Variants in RGS17 observed in about 807,000 individuals in gnomAD.
RGS17 encodes regulator of G protein signaling 17, also known as regulator of G-protein signaling 17.
A neutral mutation model predicts 25.5 loss-of-function variants in RGS17; 12 were observed. The ratio of observed to expected loss-of-function variants is 0.47; its 90% CI spans 0.30 to 0.76. The LOEUF (loss-of-function observed/expected upper bound fraction) is 0.76. Among genes scored for constraint, RGS17 ranks in the 30% least tolerant of loss-of-function variants. The pLI, the probability that RGS17 is intolerant of heterozygous loss-of-function variation, is 0.07. For synonymous variants in RGS17, 71 were observed against 76.9 expected (o/e 0.92, Z 0.40); for missense variants, 196 against 242.2 (o/e 0.81, Z 1.27).
intron 1 of RGS17, among the ~76,000 whole-genome samples, chr6:153,098,931 G>A (rs567445307): frequency 1.3e-5 from 2 of 152,242 alleles, no homozygotes; most frequent in South Asian, 4.2e-4. Context: ...AAAAATACTA[G>A]AGCAGCAGAT....
At chr6:153,021,305 T>G (rs891131843) in intron 4 of RGS17, among the ~76,000 whole-genome samples, 2 of 152,176 alleles carry the variant, frequency 1.3e-5, no homozygotes, top group Non-Finnish European at 2.9e-5. Flanking sequence ...TCTCCAATGT[T>G]AGAAAACAAA....
intron 1 of RGS17, among the ~76,000 whole-genome samples, chr6:153,047,651 G>C (rs1335332474): frequency 6.6e-6 from 1 of 152,198 alleles, no homozygotes; most frequent in African/African-American, 2.4e-5. Context: ...GAACTGGATT[G>C]CTTTTCCCCA....
chr6:153,013,879 A>C (rs1280528712), intron 4 of RGS17, among the ~76,000 whole-genome samples: 3 of 152,246 alleles, frequency 2.0e-5, no homozygotes, highest in Admixed American at 2.0e-4. Flanking sequence ...CATGAGGTGT[A>C]GGGAAAGAAG....
chr6:153,115,446 C>T (rs1013506428), intron 1 of RGS17, among the ~76,000 whole-genome samples: 1 of 152,170 alleles, frequency 6.6e-6, no homozygotes, highest in Non-Finnish European at 1.5e-5. Flanking sequence ...AATGGTAAAA[C>T]ATTCCATGAT....
At chr6:153,035,458 A>G (rs995607837) in intron 2 of RGS17, among the ~76,000 whole-genome samples, 2 of 152,234 alleles carry the variant, frequency 1.3e-5, no homozygotes, top group Non-Finnish European at 2.9e-5. Flanking sequence ...TAATAGGTCT[A>G]CCACACCTAG....
At chr6:153,072,162 G>A (rs1776813342) in intron 1 of RGS17, among the ~76,000 whole-genome samples, 1 of 152,106 alleles carries the variant, frequency 6.6e-6, no homozygotes, top group African/African-American at 2.4e-5. Flanking sequence ...TATTTGTCAT[G>A]AAGAAGCAGA....
chr6:153,078,801 TTAAG>T lies in RGS17; in HGVS notation c.-25-34762_-25-34759del, dbSNP rs1040021757. 8.6e-5 allele frequency among the ~76,000 whole-genome samples: 13 copies of T among 152,028 alleles called. 1 individual carries two copies. The highest frequency in any genetic ancestry group is 5.2e-4 in the Admixed American group (8 of 15,254). ...GATTTATCTATATATATTTCAGATT[TTAAG>T]TAATATTATAAATGGTATCATTTAG... On this transcript the variant is annotated intron_variant, in intron 1 of 4. Coordinates refer to ENST00000206262, the MANE Select transcript of RGS17 (RefSeq NM_012419.5).
chr6:153,126,578 G>A (rs1004306916), intron 1 of RGS17, among the ~76,000 whole-genome samples: 12 of 152,158 alleles, frequency 7.9e-5, no homozygotes, highest in African/African-American at 1.7e-4. Flanking sequence ...AGACTTGAAC[G>A]AGCCATCCTC....
chr6:153,080,190 C>A (rs1483173214), intron 1 of RGS17, among the ~76,000 whole-genome samples: 1 of 152,078 alleles, frequency 6.6e-6, no homozygotes, highest in Non-Finnish European at 1.5e-5. Flanking sequence ...CCATGTTGGC[C>A]AGGAAGGTCT....
chr6:153,124,679 G>A (rs1777680563), intron 1 of RGS17, among the ~76,000 whole-genome samples: 1 of 152,128 alleles, frequency 6.6e-6, no homozygotes, highest in Non-Finnish European at 1.5e-5. Flanking sequence ...TAAAACCTGG[G>A]CTCTTTCCAC....
intron 1 of RGS17, among the ~76,000 whole-genome samples, chr6:153,129,703 A>G (rs1777757990): frequency 6.6e-6 from 1 of 152,254 alleles, no homozygotes; most frequent in Non-Finnish European, 1.5e-5. Flanking sequence ...CCCACGCTGG[A>G]GAGAATCTCG....
intron 1 of RGS17, among the ~76,000 whole-genome samples, chr6:153,070,985 G>A (rs1375570426): frequency 7.7e-6 from 1 of 129,438 alleles, no homozygotes; most frequent in African/African-American, 3.1e-5. Context: ...GTACACACAT[G>A]TGTGTATATA....
chr6:153,052,162 G>C (rs1043759695), intron 1 of RGS17, among the ~76,000 whole-genome samples: 7 of 152,082 alleles, frequency 4.6e-5, no homozygotes, highest in Admixed American at 6.5e-5. Flanking sequence ...AGGAGCTGTG[G>C]AGGTTTGGTG....
chr6:153,099,335 TTTAA>T (rs1369797813), intron 1 of RGS17, among the ~76,000 whole-genome samples: 2 of 152,212 alleles, frequency 1.3e-5, no homozygotes, highest in East Asian at 1.9e-4. Flanking sequence ...CTTTAGGACT[TTTAA>T]TTAATCTTTA....
At chr6:153,022,402 T>TA (rs1445034015) in intron 4 of RGS17, among the ~76,000 whole-genome samples, 1 of 151,990 alleles carries the variant, frequency 6.6e-6, no homozygotes, top group Non-Finnish European at 1.5e-5. Flanking sequence ...ATGTTTTACA[T>TA]AAAAAACTAA....
At chr6:153,020,220 C>T (rs1324832398) in intron 4 of RGS17, among the ~76,000 whole-genome samples, 1 of 129,496 alleles carries the variant, frequency 7.7e-6, no homozygotes, top group Non-Finnish European at 1.6e-5. Flanking sequence ...GTGGCACGAT[C>T]TTGGCTCACT....
chr6:153,107,649 T>TA (rs542012776), intron 1 of RGS17, among the ~76,000 whole-genome samples: 1 of 151,810 alleles, frequency 6.6e-6, no homozygotes, highest in Non-Finnish European at 1.5e-5. Flanking sequence ...ACACACAACT[T>TA]AAAAAAAATA....
At chr6:153,020,136 ATATTTTTTTTTTTTTTTTTTT>A (rs1779232188) in intron 4 of RGS17, among the ~76,000 whole-genome samples, 1 of 54,886 alleles carries the variant, frequency 1.8e-5, no homozygotes, top group African/African-American at 8.1e-5. Flanking sequence ...ATATATATAT[ATATTTTTTTTTTTTTTTTTTT>A]TTTTTTTTTT....
intron 1 of RGS17, among the ~76,000 whole-genome samples, chr6:153,097,281 G>GTTTTTTGTTTTTTT (rs1562333157): frequency 8.0e-6 from 1 of 124,244 alleles, no homozygotes; most frequent in African/African-American, 3.1e-5. Flanking sequence ...AGACAATAGC[G>GTTTTTTGTTTTTTT]TTTTTTTGAT....
Sources: gnomAD v4.1 joint callset for allele counts (sites outside exome capture counted in the v4.1 genomes callset) on GRCh38, gnomAD v4.1.1 for gene constraint, MANE v1.5 for transcripts, NCBI Gene and HGNC (gene_info 2026-07-23, HGNC 2026-07-21) for gene names.